Variants in SLC13A5 observed in about 807,000 individuals in gnomAD.
The protein encoded by SLC13A5 is Na(+)/citrate cotransporter.
Under a neutral mutation model 56.5 loss-of-function variants are expected in SLC13A5, and 25 were observed. The ratio of observed to expected loss-of-function variants is 0.44; its 90% CI spans 0.32 to 0.62. The LOEUF is 0.62. Among genes scored for constraint, SLC13A5 ranks in the 20% least tolerant of loss-of-function variants. The probability of loss-of-function intolerance (pLI) is 0.04; values close to 1 mark genes in which losing one functional copy is unlikely to be tolerated. For synonymous variants in SLC13A5, 307 were observed against 301.5 expected (o/e 1.02, Z -0.19); for missense variants, 649 against 737.8 (o/e 0.88, Z 1.39).
intron 6 of SLC13A5, among the ~76,000 whole-genome samples, chr17:6,698,493 T>A (rs950702940): frequency 1.3e-5 from 2 of 152,176 alleles, no homozygotes; most frequent in African/African-American, 4.8e-5. Flanking sequence ...CGGCCCCAAC[T>A]AGTGTTTCTG....
Position 6,707,151 on chromosome 17 carries a change from G to T in SLC13A5, c.108C>A (p.Val36=). The T allele has an allele frequency of 6.2e-7, 1 of 1,613,874 alleles. No homozygotes were observed. The highest frequency in any genetic ancestry group is 1.6e-4 in the Middle Eastern group (1 of 6,062). The stretch of plus-strand genomic sequence containing the variant: ...TGAGGATGATGACGTAGGCACACCT[G>T]ACAAACTGAAGAGACAGTCCTGAGG... ...PLVILMPAKF[V]RCAYVIILMA... Residue 36 remains valine, a synonymous_variant, in exon 2 of 12, where the codon GTC becomes GTA. Coordinates refer to ENST00000433363, the MANE Select transcript of SLC13A5 (RefSeq NM_177550.5).
Position 6,686,126 on chromosome 17 carries a change from C to T in SLC13A5, c.*81G>A, listed in dbSNP as rs1321234405. The T allele has an allele frequency of 1.2e-5, 19 of 1,588,860 alleles. No individual in the cohort carries two copies. In the Admixed American group the frequency reaches 3.3e-4, roughly 27 times the overall value. ...TTGGGTCATTTTGGGGTGTGAACCC[C>T]AAAACTCTGTACAAGGTGTGCCAGA... On this transcript the variant is annotated 3_prime_UTR_variant, in exon 12 of 12. Coordinates refer to ENST00000433363, the MANE Select transcript of SLC13A5 (RefSeq NM_177550.5).
intron 6 of SLC13A5, among the ~76,000 whole-genome samples, chr17:6,699,079 A>C (rs1973638643): frequency 8.3e-6 from 1 of 121,196 alleles, no homozygotes; most frequent in Non-Finnish European, 1.8e-5. Flanking sequence ...AAATAAATAA[A>C]TAAATAAATA....
rs1415468369 is a variant in SLC13A5, at chr17:6,692,881, A to G, written c.1275+163T>C. Reference sequence around the variant, plus strand: ...GTCTTCCAGGCCCTGTGTGTGGTGTAGAGTTCCTAGATGACAAGACAGAGT... The same window carrying G: ...GTCTTCCAGGCCCTGTGTGTGGTGTGGAGTTCCTAGATGACAAGACAGAGT... On this transcript the variant is annotated intron_variant, in intron 9 of 11. Coordinates refer to ENST00000433363, the MANE Select transcript of SLC13A5 (RefSeq NM_177550.5). This position sits in a 1 kb window ranked among gnomAD's most constrained non-coding sequence, Gnocchi z 5.5. 1.6e-6 allele frequency: 1 copy of G among 632,106 alleles called. No individual in the cohort carries two copies. The highest frequency in any genetic ancestry group is 2.9e-6 in the Non-Finnish European group (1 of 350,850). The allele number at this position is 632,106 out of a possible 1,614,324, so 39.2% of individuals were successfully genotyped here.
In SLC13A5 at chr17:6,711,840, C is replaced by G. The variant is rs892491904; in HGVS notation, c.102+1392G>C. ...TCGCAGCTCTCCTGCCTGGCTACTT[C>G]CCCTGGACAATAACAACCCCAGACT... On this transcript the variant is annotated intron_variant, in intron 1 of 11. Transcript: ENST00000433363. The surrounding 1 kb of genome is among the most constrained non-coding windows in gnomAD (Gnocchi z 4.0). Among the ~76,000 whole-genome samples, 6 of 152,108 alleles carry G rather than the reference C, an allele frequency of 3.9e-5. No individual in the cohort carries two copies. Among genetic ancestry groups the G allele is most frequent in the Non-Finnish European group, 4.4e-5 (3 of 68,036 alleles).
chr17:6,690,088 A>AAAC (rs1567614243), intron 10 of SLC13A5: 6 of 139,788 alleles, frequency 4.3e-5, no homozygotes, highest in Admixed American at 7.0e-5. Context: ...AAAAAAAAAA[A>AAAC]AAAAAAACCA....
intron 3 of SLC13A5, 83 bp from the exon 4 acceptor site, chr17:6,704,139 CA>C (rs1182429372): frequency 6.8e-7 from 1 of 1,466,542 alleles, no homozygotes; most frequent in African/African-American, 1.4e-5. Context: ...GGACTGGGTC[CA>C]CCCCTGCAGG....
In SLC13A5 at chr17:6,687,315, C is replaced by T. The variant is rs1046947997; in HGVS notation, c.1575+214G>A. The T allele has an allele frequency of 1.6e-6, 1 of 633,276 alleles. No homozygotes were observed. The highest frequency in any genetic ancestry group is 2.2e-5 in the South Asian group (1 of 46,180). The allele number at this position is 633,276 out of a possible 1,614,324, so 39.2% of individuals were successfully genotyped here. ...TCCAGGTGGGAGAGTCTATAACCCA[C>T]CTCAGAGAAAGAACAGTGTGTGAGG... On this transcript the variant is annotated intron_variant, in intron 11 of 11. Coordinates refer to ENST00000433363, the MANE Select transcript of SLC13A5 (RefSeq NM_177550.5). This position sits in a 1 kb window ranked among gnomAD's most constrained non-coding sequence, Gnocchi z 5.0.
At chr17:6,697,981 T>TC (rs1973604451) in intron 6 of SLC13A5, among the ~76,000 whole-genome samples, 2 of 152,174 alleles carry the variant, frequency 1.3e-5, no homozygotes, top group Admixed American at 1.3e-4. Context: ...AGACAGGTGC[T>TC]CCCTGGCCTC....
Position 6,692,269 on chromosome 17 carries a change from A to ATGGATGGATGGT in SLC13A5, c.1275+774_1275+775insACCATCCATCCA, listed in dbSNP as rs1281104725. ...GATGGATGGATGGATGGATGGATGG[A>ATGGATGGATGGT]TGGATGGACGGATGGACGGACGGAT... On this transcript the variant is annotated intron_variant, in intron 9 of 11. Transcript: ENST00000433363. The surrounding 1 kb of genome is among the most constrained non-coding windows in gnomAD (Gnocchi z 5.5). Among the ~76,000 whole-genome samples, 671 of 151,952 alleles carry ATGGATGGATGGT rather than the reference A, an allele frequency of 4.4e-3. 4 individuals carry two copies. Among genetic ancestry groups the ATGGATGGATGGT allele is most frequent in the African/African-American group, 0.015 (640 of 41,372 alleles).
In SLC13A5 at chr17:6,703,894, C is replaced by T. The variant is rs1445985296; in HGVS notation, c.531G>A (p.Lys177=). The change falls in exon 4 of 12, where the codon AAG becomes AAA. Residue 177 remains lysine (K), a synonymous_variant. Coordinates refer to ENST00000433363, the MANE Select transcript of SLC13A5 (RefSeq NM_177550.5). ...GGGGCTCACCTGGCAGCTCCTTGGCCTTGCCCTTGTCCACCAGCTCCAGGC... is the reference window on the plus strand; with the variant it reads ...GGGGCTCACCTGGCAGCTCCTTGGCTTTGCCCTTGTCCACCAGCTCCAGGC... ...EAGLELVDKG[K]AKELPGSQVI... is the part of the protein sequence containing the mutation. The T allele has an allele frequency of 1.3e-6, 2 of 1,564,228 alleles. No individual in the cohort carries two copies. The highest frequency in any genetic ancestry group is 1.7e-4 in the Middle Eastern group (1 of 5,842).
At position 6,703,039 on chromosome 17, in the gene SLC13A5, G is replaced by A. The variant is rs1489445625; in HGVS notation, c.647C>T (p.Ala216Val). The stretch of plus-strand genomic sequence containing the variant: ...CAGGGTGGCGGTGCCCCCGATGCTG[G>A]CCGCGTAGCAGATGCACAGGGTCAT... The part of the protein sequence containing the change: ...KAMTLCICYA[A>V]SIGGTATLTG... The change falls in exon 5 of 12, where the codon GCC becomes GTC. Residue 216 changes from alanine (A) to valine (V), a missense_variant. Transcript: ENST00000433363. 1 of 1,614,096 alleles carries A rather than the reference G, an allele frequency of 6.2e-7. No individual in the cohort carries two copies. The highest frequency in any genetic ancestry group is 8.5e-7 in the Non-Finnish European group (1 of 1,180,046).
At chr17:6,697,914 C>G (rs1020872870) in intron 6 of SLC13A5, among the ~76,000 whole-genome samples, 2 of 152,204 alleles carry the variant, frequency 1.3e-5, no homozygotes, top group African/African-American at 2.4e-5. Flanking sequence ...CAGGATCGTT[C>G]AGATGAGGAA....
rs908669528 is a variant in SLC13A5, at chr17:6,701,852, A to G, written c.717-726T>C. On this transcript the variant is annotated intron_variant, in intron 5 of 11. Coordinates refer to ENST00000433363, the MANE Select transcript of SLC13A5 (RefSeq NM_177550.5). This position sits in a 1 kb window ranked among gnomAD's most constrained non-coding sequence, Gnocchi z 4.1. The stretch of plus-strand genomic sequence containing the variant: ...CCCCCACTTAGCAAAGGAAATCTCA[A>G]AAGCTTCCCAGAGCGGAGGCTGGAG... Among the ~76,000 whole-genome samples the G allele has an allele frequency of 5.9e-5, 9 of 152,188 alleles. No individual in the cohort carries two copies. The highest frequency in any genetic ancestry group is 1.2e-4 in the Non-Finnish European group (8 of 68,028).
intron 1 of SLC13A5, among the ~76,000 whole-genome samples, chr17:6,709,589 A>T (rs1973965022): frequency 6.6e-6 from 1 of 152,174 alleles, no homozygotes; most frequent in South Asian, 2.1e-4. Flanking sequence ...TGTTTATTAA[A>T]GGAATCAATA....
chr17:6,710,162 C>T (rs1230005968), intron 1 of SLC13A5, among the ~76,000 whole-genome samples: 6 of 152,238 alleles, frequency 3.9e-5, no homozygotes, highest in African/African-American at 9.6e-5. Flanking sequence ...TTCCTTGGGG[C>T]TTGGTGTCGG....
intron 1 of SLC13A5, among the ~76,000 whole-genome samples, chr17:6,707,772 C>T (rs1309470551): frequency 1.3e-5 from 2 of 150,016 alleles, no homozygotes; most frequent in South Asian, 2.1e-4. Flanking sequence ...AGGTATATAG[C>T]GTGGTCGAAT....
rs1974013080 is a variant in SLC13A5 at position 6,711,244 on chromosome 17, G to C, written c.102+1988C>G. On this transcript the variant is annotated intron_variant, in intron 1 of 11. Transcript: ENST00000433363. This position sits in a 1 kb window ranked among gnomAD's most constrained non-coding sequence, Gnocchi z 4.0. ...CACAATGGGGCGGCCATGGAGGGTG[G>C]GGGCAGGGTGACCAAAACAGGCAGA... 1.3e-5 allele frequency among the ~76,000 whole-genome samples: 2 copies of C among 152,080 alleles called. No individual in the cohort carries two copies. Among genetic ancestry groups the C allele is most frequent in the Admixed American group, 6.5e-5 (1 of 15,272 alleles).
chr17:6,691,585 G>T (rs1326226530), intron 9 of SLC13A5, among the ~76,000 whole-genome samples: 1 of 152,342 alleles, frequency 6.6e-6, no homozygotes, highest in East Asian at 1.9e-4. Flanking sequence ...GAACAGAGAA[G>T]TCAGCAACGA....
Sources: gnomAD v4.1 joint callset for allele counts (sites outside exome capture counted in the v4.1 genomes callset) on GRCh38, gnomAD v4.1.1 for gene constraint, Gnocchi (gnomAD v3.1) non-coding constraint, MANE v1.5 for transcripts, NCBI Gene and HGNC (gene_info 2026-07-23, HGNC 2026-07-21) for gene names.